The following MSN variants were observed in gnomAD, a reference collection of about 807,000 sequenced individuals.
MSN encodes moesin, also known as epididymis luminal protein 70.
In MSN, 2 loss-of-function variants were observed where a neutral mutation model predicts 48.0. That is an observed-to-expected ratio of 0.04 (90% confidence interval 0.02 to 0.13). The LOEUF (loss-of-function observed/expected upper bound fraction) is 0.13. MSN is among the 10% of genes least tolerant of loss of function. The pLI, the probability that MSN is intolerant of heterozygous loss-of-function variation, is 1.00. For synonymous variants in MSN, 146 were observed against 166.9 expected, an observed-to-expected ratio of 0.87 and a Z score of 0.97; for missense variants, 267 against 470.1, an observed-to-expected ratio of 0.57 and a Z score of 3.99.
intron 1 of MSN, among the ~76,000 whole-genome samples, chrX:65,617,571 A>C (rs1162585397): frequency 1.9e-5 from 2 of 105,105 alleles, no homozygotes; most frequent in African/African-American, 7.5e-5. Flanking sequence ...ATCATTTTTT[A>C]TTGCGTCTAT....
intron 1 of MSN, among the ~76,000 whole-genome samples, chrX:65,621,566 T>C (rs1340569675): frequency 8.9e-6 from 1 of 112,000 alleles, no homozygotes; most frequent in Non-Finnish European, 1.9e-5. Context: ...TTCATCTTTT[T>C]CAAGATTGTG....
At chrX:65,714,142 G>C (rs1436394540) in intron 1 of MSN, among the ~76,000 whole-genome samples, 1 of 111,860 alleles carries the variant, frequency 8.9e-6, no homozygotes. Flanking sequence ...CTCCATTCAT[G>C]TTCCTGCAAA....
At position 65,607,409 on chromosome X, in the gene MSN, G is replaced by A. The variant is rs1415192021; in HGVS notation, c.-22+18797G>A. Among the ~76,000 whole-genome samples, 7 of 111,646 alleles carry A rather than the reference G, an allele frequency of 6.3e-5. No individual in the cohort carries two copies. In the Admixed American group the frequency reaches 6.7e-4, roughly 11 times the overall value. On this transcript the variant is annotated intron_variant, in intron 1 of 3. Transcript: ENST00000609672. The stretch of plus-strand genomic sequence containing the variant: ...CCTACACCAAGCCTGATATAACCCC[G>A]ATGTACTCTCCATTCCTTGTGGTGA...
At chrX:65,667,941 A>G (rs2070890842) in intron 1 of MSN, 88 bp downstream of exon 1, 2 of 1,037,822 alleles carry the variant, frequency 1.9e-6, no homozygotes, top group Admixed American at 4.9e-5. Context: ...TTGGCCAGCC[A>G]CCGGCCCGCC....
intron 1 of MSN, among the ~76,000 whole-genome samples, chrX:65,712,112 C>T (rs1462521381): frequency 9.0e-6 from 1 of 110,984 alleles, no homozygotes; most frequent in Non-Finnish European, 1.9e-5. Flanking sequence ...ATGGCCCCAT[C>T]CTACTTTATG....
chrX:65,646,946 TCAAAA>T (rs916535597), intron 1 of MSN, among the ~76,000 whole-genome samples: 38 of 110,793 alleles, frequency 3.4e-4, no homozygotes, highest in African/African-American at 1.2e-3. Context: ...AAGCTCCATC[TCAAAA>T]CAAAACAAAA....
intron 1 of MSN, among the ~76,000 whole-genome samples, chrX:65,621,353 G>T (rs755156323): frequency 4.5e-5 from 5 of 112,237 alleles, no homozygotes; most frequent in Non-Finnish European, 9.4e-5. Context: ...GGCACCATAT[G>T]TTGGAAAGGC....
chrX:65,598,910 CA>C (rs1190617045), intron 1 of MSN, among the ~76,000 whole-genome samples: 1 of 111,865 alleles, frequency 8.9e-6, no homozygotes, highest in Non-Finnish European at 1.9e-5. Context: ...TTCTATTACA[CA>C]GCACTTTTGG....
Position 65,724,677 on chromosome X carries a change from TTTTGTTTG to T in MSN, c.97-3117_97-3110del, listed in dbSNP as rs10635652. Among the ~76,000 whole-genome samples the T allele has an allele frequency of 3.7e-5, 4 of 108,363 alleles. No homozygotes were observed. In the South Asian group the frequency reaches 1.1e-3, roughly 31 times the overall value. 94.1% of individuals were successfully genotyped at this position (108,363 alleles called of 115,157 possible). On this transcript the variant is annotated intron_variant, in intron 2 of 12. Coordinates refer to ENST00000360270, the MANE Select transcript of MSN (RefSeq NM_002444.3). ...CCATTTTATGTTTGTTTTGTTTTGT[TTTTGTTTG>T]TTTGTTTGTTTGTTTGTTTTTGACA...
chrX:65,733,189 C>G lies in MSN; in HGVS notation c.704C>G (p.Thr235Ser). The stretch of plus-strand genomic sequence containing the variant: ...ATTGGTTTCTATTTCTACAGACTAA[C>G]TCCCAAGATAGGCTTCCCCTGGAGT... ...LNIYEQNDRLTPKIGFPWSEI... is the reference protein window; with the variant it reads ...LNIYEQNDRLSPKIGFPWSEI... Residue 235 changes from threonine (T) to serine (S), a missense_variant, in exon 7 of 13, where the codon ACT becomes AGT. By Grantham distance (58) the Thr-to-Ser change is moderately conservative. Around this residue, in one of 5 missense-constraint regions of MSN, gnomAD observed 58 missense variants for 104.6 expected, o/e 0.55. Transcript: ENST00000360270. 1 of 1,207,544 alleles carries G rather than the reference C, an allele frequency of 8.3e-7. No homozygotes were observed. The highest frequency in any genetic ancestry group is 2.3e-4 in the Middle Eastern group (1 of 4,341).
intron 1 of MSN, among the ~76,000 whole-genome samples, chrX:65,632,638 A>C (rs1448377393): frequency 2.7e-5 from 3 of 111,846 alleles, no homozygotes; most frequent in Non-Finnish European, 3.8e-5. Flanking sequence ...CTGTTTTTTT[A>C]ATTGTAGCCA....
At chrX:65,716,787 G>A (rs1434675196) in intron 1 of MSN, 31 bp from the exon 2 acceptor site, 7 of 1,178,262 alleles carry the variant, frequency 5.9e-6, no homozygotes, top group Middle Eastern at 2.3e-4. Flanking sequence ...AGAGCCAGAT[G>A]ACTAACCTGC....
exon 1 of MSN, chrX:65,588,444 AGCACACCCTG>A: frequency 2.1e-6 from 1 of 469,517 alleles, no homozygotes; most frequent in South Asian, 1.2e-4. Flanking sequence ...CTCTTCCCTG[AGCACACCCTG>A]GCCCTGGGGC....
intron 1 of MSN, among the ~76,000 whole-genome samples, chrX:65,649,543 T>C (rs1365531923): frequency 1.0e-5 from 1 of 100,045 alleles, no homozygotes; most frequent in Non-Finnish European, 2.0e-5. Context: ...GCCACTGTGC[T>C]CCAGCCTAGG....
chrX:65,630,511 C>T (rs1214481545), intron 1 of MSN, among the ~76,000 whole-genome samples: 1 of 111,494 alleles, frequency 9.0e-6, no homozygotes, highest in Non-Finnish European at 1.9e-5. Flanking sequence ...ATCTTTTGAG[C>T]CCAGGGGCTG....
chrX:65,636,108 T>C (rs1490179191), intron 1 of MSN, among the ~76,000 whole-genome samples: 1 of 111,671 alleles, frequency 9.0e-6, no homozygotes, highest in African/African-American at 3.2e-5. Flanking sequence ...CTGCCTCCAG[T>C]TTCTCCCTGG....
intron 1 of MSN, among the ~76,000 whole-genome samples, chrX:65,607,225 T>C (rs980421724): frequency 1.8e-5 from 2 of 112,224 alleles, no homozygotes; most frequent in Non-Finnish European, 3.8e-5. Flanking sequence ...GTCAAGTGCA[T>C]GTAGTTTGAC....
chrX:65,699,276 G>T (rs1193132518), intron 1 of MSN, among the ~76,000 whole-genome samples: 1 of 111,853 alleles, frequency 8.9e-6, no homozygotes, highest in Non-Finnish European at 1.9e-5. Context: ...TGGACTCAGA[G>T]ACCCAATCTC....
At chrX:65,597,771 TC>T (rs1289972024) in intron 1 of MSN, among the ~76,000 whole-genome samples, 1 of 112,291 alleles carries the variant, frequency 8.9e-6, no homozygotes, top group Non-Finnish European at 1.9e-5. Flanking sequence ...AGTGAGCTAG[TC>T]CTTTCCTATG....
Sources: gnomAD v4.1 joint callset for allele counts (sites outside exome capture counted in the v4.1 genomes callset) on GRCh38, gnomAD v4.1.1 for gene constraint, gnomAD v4.1.1 regional missense constraint, MANE v1.5 for transcripts, NCBI Gene and HGNC (gene_info 2026-07-23, HGNC 2026-07-21) for gene names.